Variants in UNC80 observed in about 807,000 individuals in gnomAD.
UNC80 encodes the protein protein unc-80 homolog.
In UNC80, 164 loss-of-function variants were observed where a neutral mutation model predicts 384.6. That is an observed-to-expected ratio of 0.43 (90% CI 0.38 to 0.49). The LOEUF is 0.49. Among genes scored for constraint, UNC80 ranks in the 20% least tolerant of loss-of-function variants. The pLI is 0.00. For synonymous variants in UNC80, 1,486 were observed against 1,527.8 expected (o/e 0.97, Z 0.64); for missense variants, 3,330 against 4,143.0 (o/e 0.80, Z 5.39).
chr2:209,921,664 C>T lies in UNC80; in HGVS notation c.5508C>T (p.Pro1836=). The T allele has an allele frequency of 1.3e-6, 2 of 1,550,674 alleles. No individual in the cohort carries two copies. Among genetic ancestry groups the T allele is most frequent in the Non-Finnish European group, 1.7e-6 (2 of 1,146,598 alleles). ...CTTGCTATGAGCCCACATGCACGCC[C>T]AACTCAGAACCGGAAGAAGAAGGTG... ...QEACYEPTCT[P]NSEPEEEVEE... The change falls in exon 34 of 65, where the codon CCC becomes CCT. Residue 1836 remains proline, a synonymous_variant. Coordinates refer to ENST00000673920, the MANE Select transcript of UNC80 (RefSeq NM_001371986.1).
chr2:209,831,515 T>C lies in UNC80; in HGVS notation c.2699T>C (p.Ile900Thr). The stretch of plus-strand genomic sequence containing the variant: ...ACAGCCCAAAATGTGGAAGGCATTA[T>C]CGTCAGCGCCATGTTTAAATCCCTC... Reference protein sequence around the residue: ...KSTAQNVEGIIVSAMFKSLIT... With the variant: ...KSTAQNVEGITVSAMFKSLIT... The change falls in exon 16 of 65, where the codon ATC (isoleucine) becomes ACC (threonine). Residue 900 changes from isoleucine to threonine, a missense_variant. Ile to Thr is a moderately conservative substitution (Grantham distance 89). Coordinates refer to ENST00000673920, the MANE Select transcript of UNC80 (RefSeq NM_001371986.1). 1 of 1,551,460 alleles carries C rather than the reference T, an allele frequency of 6.4e-7. No individual in the cohort carries two copies. Among genetic ancestry groups the C allele is most frequent in the African/African-American group, 1.4e-5 (1 of 73,138 alleles).
intron 28 of UNC80, among the ~76,000 whole-genome samples, chr2:209,901,100 G>T (rs1368721796): frequency 6.6e-6 from 1 of 152,230 alleles, no homozygotes; most frequent in Admixed American, 6.5e-5. Flanking sequence ...ATCTAGCCAG[G>T]ATCATTGATG....
chr2:209,982,834 T>C (rs891313020), intron 60 of UNC80: 1 of 152,050 alleles, frequency 6.6e-6, no homozygotes, highest in African/African-American at 2.4e-5. Flanking sequence ...TAAAATGATC[T>C]TTAAGATAAC....
chr2:209,812,368 T>A (rs1489842945), intron 7 of UNC80, among the ~76,000 whole-genome samples: 7 of 152,072 alleles, frequency 4.6e-5, no homozygotes, highest in Non-Finnish European at 1.0e-4. Context: ...CACCATAGTT[T>A]TTATTCTAGT....
At chr2:209,892,886 G>C (rs187082214) in intron 26 of UNC80, among the ~76,000 whole-genome samples, 1 of 152,222 alleles carries the variant, frequency 6.6e-6, no homozygotes, top group Admixed American at 6.5e-5. Flanking sequence ...GTCTAACTGT[G>C]CTGCAAGAAA....
At chr2:209,808,767 T>TTCTGCGGTACTCAGCGACCTCGTTGCC (rs2079104027) in intron 7 of UNC80, 2 of 59,250 alleles carry the variant, frequency 3.4e-5, no homozygotes, top group Non-Finnish European at 5.9e-5. Context: ...CCTGCGCTAC[T>TTCTGCGGTACTCAGCGACCTCGTTGCC]TCTGCGCTAC....
chr2:209,988,836 A>G (rs997027538), intron 61 of UNC80, among the ~76,000 whole-genome samples: 3 of 152,222 alleles, frequency 2.0e-5, no homozygotes, highest in Admixed American at 2.0e-4. Flanking sequence ...CCTAGATTAT[A>G]TGGTTTACCA....
intron 28 of UNC80, among the ~76,000 whole-genome samples, chr2:209,903,665 A>G (rs1483871696): frequency 1.6e-5 from 2 of 127,204 alleles, no homozygotes; most frequent in South Asian, 4.5e-4. Flanking sequence ...TATATATACT[A>G]TATATACACA....
chr2:209,929,014 ATTAG>A (rs2090645601), intron 36 of UNC80, among the ~76,000 whole-genome samples: 1 of 152,212 alleles, frequency 6.6e-6, no homozygotes, highest in Non-Finnish European at 1.5e-5. Flanking sequence ...ACCTATTTTA[ATTAG>A]TTATAGAGAC....
intron 29 of UNC80, among the ~76,000 whole-genome samples, chr2:209,909,143 G>A (rs187108585): frequency 6.6e-6 from 1 of 152,044 alleles, no homozygotes; most frequent in Non-Finnish European, 1.5e-5. Flanking sequence ...CACTTCTCTA[G>A]GAGTGCAGGC....
In UNC80 at chr2:209,945,213, A is replaced by G. The variant is rs768155486; in HGVS notation, c.7189+24A>G. 9 of 1,545,142 alleles carry G rather than the reference A, an allele frequency of 5.8e-6. No homozygotes were observed. In the South Asian group the frequency reaches 7.3e-5, roughly 12 times the overall value. On this transcript the variant is annotated intron_variant, in intron 46 of 64. Transcript: ENST00000673920. The stretch of plus-strand genomic sequence containing the variant: ...AGGTAAAAGCAAAACTTGCTTTGAC[A>G]TTCTTTTTCTCACTGCAGTTGTTAA...
chr2:209,973,418 A>G (rs968170090), intron 56 of UNC80, 148 bp downstream of exon 56: 1 of 770,384 alleles, frequency 1.3e-6, no homozygotes, highest in African/African-American at 1.8e-5. Flanking sequence ...AGAGACCTCA[A>G]ACCAGAATGT....
intron 7 of UNC80, among the ~76,000 whole-genome samples, chr2:209,805,666 A>G (rs2078847286): frequency 6.6e-6 from 1 of 152,264 alleles, no homozygotes; most frequent in Admixed American, 6.5e-5. Context: ...AAATTATTCA[A>G]GAAAGAAAGG....
At chr2:209,934,756 T>G (rs2091127535) in intron 39 of UNC80, among the ~76,000 whole-genome samples, 1 of 152,214 alleles carries the variant, frequency 6.6e-6, no homozygotes, top group Non-Finnish European at 1.5e-5. Context: ...AGGGATATAA[T>G]TCATACTTCA....
intron 7 of UNC80, among the ~76,000 whole-genome samples, chr2:209,810,627 C>T (rs1449244654): frequency 6.6e-6 from 1 of 152,126 alleles, no homozygotes; most frequent in Admixed American, 6.5e-5. Context: ...GAGCACTGCT[C>T]TAGGGATTTG....
Position 209,829,262 on chromosome 2 carries a change from C to T in UNC80, c.2509C>T (p.Leu837=), listed in dbSNP as rs1041123676. The change falls in exon 15 of 65, where the codon CTA becomes TTA. Residue 837 remains leucine (L), a synonymous_variant. Coordinates refer to ENST00000673920, the MANE Select transcript of UNC80 (RefSeq NM_001371986.1). ...AQNCLTKLYK[L]DKMQFRQTMR... ...GAACTGCCTCACTAAGCTATACAAG[C>T]TAGATAAGATGCAGTTCCGACAAAC... 7 of 1,551,376 alleles carry T rather than the reference C, an allele frequency of 4.5e-6. No homozygotes were observed. The highest frequency in any genetic ancestry group is 6.1e-6 in the Non-Finnish European group (7 of 1,146,764).
At chr2:209,786,045 A>AT in intron 4 of UNC80, 21 bp from the exon 5 acceptor site, 1 of 1,611,536 alleles carries the variant, frequency 6.2e-7, no homozygotes, top group South Asian at 1.1e-5. Flanking sequence ...TATTGGACAT[A>AT]TATCTTCTCC....
intron 42 of UNC80, among the ~76,000 whole-genome samples, 182 bp downstream of exon 42, chr2:209,937,812 C>T (rs1350359387): frequency 6.6e-6 from 1 of 151,996 alleles, no homozygotes; most frequent in Non-Finnish European, 1.5e-5. Context: ...TGGATCATTG[C>T]TTAAAGGTAG....
intron 22 of UNC80, among the ~76,000 whole-genome samples, chr2:209,857,277 A>G (rs1574765337): frequency 6.6e-6 from 1 of 152,206 alleles, no homozygotes; most frequent in East Asian, 1.9e-4. Flanking sequence ...GTCCACGGAT[A>G]TATTTAGAGA....
Sources: gnomAD v4.1 joint callset for allele counts (sites outside exome capture counted in the v4.1 genomes callset) on GRCh38, gnomAD v4.1.1 for gene constraint, MANE v1.5 for transcripts, NCBI Gene and HGNC (gene_info 2026-07-23, HGNC 2026-07-21) for gene names.